KIAA0825: variants seen among roughly 807,000 people sequenced by gnomAD.
The protein encoded by KIAA0825 is KIAA0825, also known as uncharacterized protein KIAA0825.
KIAA0825 carries 119 observed loss-of-function variants against 147.6 expected under a neutral mutation model. The ratio of observed to expected loss-of-function variants is 0.81; its 90% confidence interval spans 0.69 to 0.94. KIAA0825 has a LOEUF of 0.94. Ranked by LOEUF, KIAA0825 falls within the 40% of genes least tolerant of loss-of-function variation. KIAA0825 has a pLI of 0.00. For missense variants in KIAA0825, 1,381 were observed against 1,472.7 expected, an observed-to-expected ratio of 0.94 and a Z score of 1.02; for synonymous variants, 470 against 518.1, an observed-to-expected ratio of 0.91 and a Z score of 1.26.
At chr5:94,542,346 C>T (rs947656551) in intron 2 of KIAA0825, among the ~76,000 whole-genome samples, 4 of 152,114 alleles carry the variant, frequency 2.6e-5, no homozygotes, top group African/African-American at 9.7e-5. Flanking sequence ...ATCAAGAAAA[C>T]TTTTATTTTG....
intron 2 of KIAA0825, among the ~76,000 whole-genome samples, chr5:94,581,595 G>C (rs557722878): frequency 6.6e-6 from 1 of 152,170 alleles, no homozygotes; most frequent in Non-Finnish European, 1.5e-5. Context: ...AATCGTGATA[G>C]CATGTCAGCC....
chr5:94,232,056 A>C (rs1215165329), intron 20 of KIAA0825, among the ~76,000 whole-genome samples: 1 of 152,110 alleles, frequency 6.6e-6, no homozygotes, highest in Non-Finnish European at 1.5e-5. Flanking sequence ...ATGTTTAATG[A>C]TATGGCAAGT....
intron 20 of KIAA0825, among the ~76,000 whole-genome samples, chr5:94,312,322 A>G (rs894548767): frequency 2.0e-5 from 3 of 151,808 alleles, no homozygotes; most frequent in Non-Finnish European, 4.4e-5. Flanking sequence ...TAATTTTAAT[A>G]AATTATAGCT....
intron 20 of KIAA0825, among the ~76,000 whole-genome samples, chr5:94,357,137 T>G (rs977421957): frequency 7.2e-5 from 11 of 152,134 alleles, no homozygotes; most frequent in African/African-American, 2.7e-4. Flanking sequence ...AGAATTTCTT[T>G]TCGTTAAAAA....
At chr5:94,224,177 T>C (rs1773952057) in intron 20 of KIAA0825, among the ~76,000 whole-genome samples, 1 of 126,328 alleles carries the variant, frequency 7.9e-6, no homozygotes, top group African/African-American at 3.0e-5. Flanking sequence ...CACTACAACC[T>C]CCACCTCTGG....
intron 1 of KIAA0825, among the ~76,000 whole-genome samples, chr5:94,613,348 G>A (rs1362814369): frequency 6.6e-6 from 1 of 151,830 alleles, no homozygotes; most frequent in Non-Finnish European, 1.5e-5. Flanking sequence ...ATGTGCCCAC[G>A]ACCACACCCA....
chr5:94,600,987 G>A (rs774299642), intron 1 of KIAA0825, among the ~76,000 whole-genome samples: 7 of 152,168 alleles, frequency 4.6e-5, no homozygotes, highest in Non-Finnish European at 7.4e-5. Context: ...CAACTTAGGT[G>A]TTTCAGCAAC....
At chr5:94,420,096 G>A (rs950737153) in intron 14 of KIAA0825, among the ~76,000 whole-genome samples, 9 of 151,974 alleles carry the variant, frequency 5.9e-5, no homozygotes, top group African/African-American at 2.2e-4. Context: ...CAGGAAGACC[G>A]AAGAATTGGT....
At position 94,368,442 on chromosome 5, in the gene KIAA0825, G is replaced by A. The variant is rs577713661; in HGVS notation, c.3710+15926C>T. 3.9e-5 allele frequency among the ~76,000 whole-genome samples: 6 copies of A among 152,240 alleles called. No individual in the cohort carries two copies. In the South Asian group the frequency reaches 1.2e-3, roughly 32 times the overall value. On this transcript the variant is annotated intron_variant, in intron 20 of 20. Coordinates refer to ENST00000682413, the MANE Select transcript of KIAA0825 (RefSeq NM_001145678.3). ...CCCACCCTGGACCTCCCAAAGTTCTGGGATTACAGGTGTGAGCCACCACCC... is the reference window on the plus strand; with the variant it reads ...CCCACCCTGGACCTCCCAAAGTTCTAGGATTACAGGTGTGAGCCACCACCC...
intron 1 of KIAA0825, among the ~76,000 whole-genome samples, chr5:94,615,064 TAAA>T (rs570986751): frequency 5.4e-5 from 7 of 130,044 alleles, no homozygotes; most frequent in Admixed American, 1.6e-4. Flanking sequence ...TCATAGCTGG[TAAA>T]AAAAAAAAAA....
chr5:94,340,584 G>T (rs1325604375), intron 20 of KIAA0825, among the ~76,000 whole-genome samples: 2 of 152,112 alleles, frequency 1.3e-5, no homozygotes, highest in Non-Finnish European at 2.9e-5. Context: ...GAAGACAATA[G>T]ACCAGTCTGA....
At chr5:94,506,946 G>A (rs1427267997) in intron 5 of KIAA0825, among the ~76,000 whole-genome samples, 2 of 152,044 alleles carry the variant, frequency 1.3e-5, no homozygotes, top group Non-Finnish European at 2.9e-5. Flanking sequence ...CACTTGAGGT[G>A]ATAACAGTGA....
At chr5:94,282,532 A>G (rs1777511699) in intron 20 of KIAA0825, among the ~76,000 whole-genome samples, 1 of 152,122 alleles carries the variant, frequency 6.6e-6, no homozygotes, top group Non-Finnish European at 1.5e-5. Context: ...GTAAGGTATC[A>G]CCACAAATAA....
At chr5:94,173,144 TGTTA>T (rs1263351005) in intron 20 of KIAA0825, among the ~76,000 whole-genome samples, 19 of 150,996 alleles carry the variant, frequency 1.3e-4, no homozygotes, top group African/African-American at 4.7e-4. Context: ...ATGCTCTTTC[TGTTA>T]CCAGGGCAAA....
intron 20 of KIAA0825, among the ~76,000 whole-genome samples, chr5:94,299,824 C>T (rs185991405): frequency 6.6e-6 from 1 of 152,258 alleles, no homozygotes; most frequent in African/African-American, 2.4e-5. Flanking sequence ...GAGCCAATAA[C>T]TATTTCAGTT....
intron 20 of KIAA0825, among the ~76,000 whole-genome samples, chr5:94,346,630 C>T (rs1022593011): frequency 1.4e-4 from 21 of 152,060 alleles, no homozygotes; most frequent in Non-Finnish European, 2.5e-4. Flanking sequence ...GAGAGCCGAG[C>T]GAAATACAGG....
intron 4 of KIAA0825, 55 bp downstream of exon 4, chr5:94,523,875 G>C (rs1402551269): frequency 3.4e-6 from 4 of 1,177,364 alleles, no homozygotes; most frequent in Non-Finnish European, 4.8e-6. Flanking sequence ...AATTGAATGA[G>C]TTGTATTCCC....
chr5:94,272,616 A>G (rs1777046093), intron 20 of KIAA0825, among the ~76,000 whole-genome samples: 1 of 152,222 alleles, frequency 6.6e-6, no homozygotes, highest in Non-Finnish European at 1.5e-5. Flanking sequence ...GTGAACATTT[A>G]TGTTCCTTTC....
intron 1 of KIAA0825, among the ~76,000 whole-genome samples, chr5:94,597,231 C>G (rs1785467996): frequency 6.6e-6 from 1 of 151,822 alleles, no homozygotes; most frequent in Non-Finnish European, 1.5e-5. Flanking sequence ...TTTGGGCAAC[C>G]ATCAAGAACA....
Sources: gnomAD v4.1 joint callset for allele counts (sites outside exome capture counted in the v4.1 genomes callset) on GRCh38, gnomAD v4.1.1 for gene constraint, MANE v1.5 for transcripts, NCBI Gene and HGNC (gene_info 2026-07-23, HGNC 2026-07-21) for gene names.